Variants in PDZRN3 observed in about 807,000 individuals in gnomAD.
PDZRN3 encodes the protein PDZ domain containing ring finger 3.
Under a neutral mutation model 85.7 loss-of-function variants are expected in PDZRN3, and 38 were observed. The ratio of observed to expected loss-of-function variants is 0.44; its 90% confidence interval spans 0.34 to 0.58. PDZRN3 has a LOEUF of 0.58. Among genes scored for constraint, PDZRN3 ranks in the 20% least tolerant of loss-of-function variants. The pLI is 0.01. For missense variants in PDZRN3, 1,629 were observed against 1,506.4 expected (o/e 1.08, Z -1.35); for synonymous variants, 759 against 638.0 (o/e 1.19, Z -2.86).
At chr3:73,535,996 T>C (rs1704776514) in intron 3 of PDZRN3, among the ~76,000 whole-genome samples, 1 of 152,206 alleles carries the variant, frequency 6.6e-6, no homozygotes, top group Admixed American at 6.5e-5. Flanking sequence ...TATGATATGA[T>C]TTAGACAGGT....
intron 3 of PDZRN3, among the ~76,000 whole-genome samples, chr3:73,449,156 C>T (rs1036599409): frequency 1.3e-5 from 2 of 152,102 alleles, no homozygotes; most frequent in African/African-American, 4.8e-5. Context: ...TGTAATCCAA[C>T]TTGTCAAAAA....
At chr3:73,460,041 T>C (rs1473924739) in intron 3 of PDZRN3, among the ~76,000 whole-genome samples, 1 of 152,218 alleles carries the variant, frequency 6.6e-6, no homozygotes, top group African/African-American at 2.4e-5. Context: ...TTCTCATATA[T>C]ACATTATGGG....
chr3:73,558,994 T>C (rs996537477), intron 3 of PDZRN3, among the ~76,000 whole-genome samples: 2 of 152,168 alleles, frequency 1.3e-5, no homozygotes, highest in Non-Finnish European at 2.9e-5. Context: ...ACCATATGCA[T>C]CTTACTAGGC....
At chr3:73,417,456 A>G (rs1297948054) in intron 3 of PDZRN3, among the ~76,000 whole-genome samples, 1 of 152,218 alleles carries the variant, frequency 6.6e-6, no homozygotes, top group African/African-American at 2.4e-5. Flanking sequence ...GTGCGGGGAA[A>G]TACCATTTCA....
rs545353374 is a variant in PDZRN3, at chr3:73,524,385, C to G, written c.918+77969G>C. 1.2e-4 allele frequency among the ~76,000 whole-genome samples: 19 copies of G among 152,304 alleles called. No homozygotes were observed. In the East Asian group the frequency reaches 2.3e-3, roughly 19 times the overall value. ...TGCATATTACCACCAGCTATCAAGGCAATCACAGGGAGATTTCAAGTTCCC... is the reference window on the plus strand; with the variant it reads ...TGCATATTACCACCAGCTATCAAGGGAATCACAGGGAGATTTCAAGTTCCC... On this transcript the variant is annotated intron_variant, in intron 3 of 9. Transcript: ENST00000263666.
At chr3:73,596,650 A>G (rs188204872) in intron 3 of PDZRN3, among the ~76,000 whole-genome samples, 1 of 152,356 alleles carries the variant, frequency 6.6e-6, no homozygotes, top group East Asian at 1.9e-4. Context: ...AGGAAACTTC[A>G]AACAGAAATT....
Position 73,384,735 on chromosome 3 carries a change from C to G in PDZRN3, c.1831G>C (p.Asp611His). The change falls in exon 10 of 10, where the codon GAC becomes CAC. Residue 611 changes from aspartate to histidine, a missense_variant. By Grantham distance (81) the Asp-to-His change is moderately conservative (BLOSUM62 -1). Transcript: ENST00000263666. The stretch of plus-strand genomic sequence containing the variant: ...GGCAGGTCGCCGCTGCCCAAGGTGT[C>G]CTGGCTGCAGGTGAGCTTCCTCTGC... ...AGQRKLTCSQ[D>H]TLGSGDLPFS... 1 of 1,614,050 alleles carries G rather than the reference C, an allele frequency of 6.2e-7. No individual in the cohort carries two copies. The highest frequency in any genetic ancestry group is 8.5e-7 in the Non-Finnish European group (1 of 1,180,034).
chr3:73,599,930 T>G (rs9858993), intron 3 of PDZRN3, among the ~76,000 whole-genome samples: 21,664 of 152,292 alleles, frequency 0.14, 1,606 homozygotes, highest in Admixed American at 0.17. Flanking sequence ...TATCTTCCTT[T>G]GATTTTCTTT....
chr3:73,479,024 T>A (rs183646928), intron 3 of PDZRN3, among the ~76,000 whole-genome samples: 5 of 152,354 alleles, frequency 3.3e-5, no homozygotes, highest in Admixed American at 2.0e-4. Flanking sequence ...AATTCAGCAC[T>A]GAATGAACAT....
chr3:73,543,870 C>T (rs1050255022), intron 3 of PDZRN3, among the ~76,000 whole-genome samples: 1 of 152,088 alleles, frequency 6.6e-6, no homozygotes, highest in African/African-American at 2.4e-5. Flanking sequence ...CTGTTATTAT[C>T]AAAATAAATA....
intron 6 of PDZRN3, 68 bp downstream of exon 6, chr3:73,390,950 T>G (rs1164048045): frequency 2.2e-6 from 2 of 928,354 alleles, no homozygotes; most frequent in East Asian, 5.1e-5. Context: ...TTAGGGTTGG[T>G]GAACATGAAA....
chr3:73,384,646 C>A lies in PDZRN3; in HGVS notation c.1920G>T (p.Val640=). Residue 640 remains valine (V), a synonymous_variant, in exon 10 of 10, where the codon GTG becomes GTT. Coordinates refer to ENST00000263666, the MANE Select transcript of PDZRN3 (RefSeq NM_015009.3). Reference sequence around the variant, plus strand: ...GCTCGCGGAAGCGCTCGCACTCGTCCACCGGGATCCCCAGGTAGTCGGCGT... The same window carrying A: ...GCTCGCGGAAGCGCTCGCACTCGTCAACCGGGATCCCCAGGTAGTCGGCGT... The part of the protein sequence containing the change: ...CTDADYLGIP[V]DECERFRELL... 1 of 1,613,920 alleles carries A rather than the reference C, an allele frequency of 6.2e-7. No homozygotes were observed. The highest frequency in any genetic ancestry group is 8.5e-7 in the Non-Finnish European group (1 of 1,180,040).
chr3:73,433,960 G>T, intron 3 of PDZRN3: 1 of 1,327,700 alleles, frequency 7.5e-7, no homozygotes, highest in Non-Finnish European at 9.6e-7. Flanking sequence ...AGACATACAC[G>T]CACACCACTC....
At chr3:73,470,541 G>A (rs1300576576) in intron 3 of PDZRN3, among the ~76,000 whole-genome samples, 1 of 152,184 alleles carries the variant, frequency 6.6e-6, no homozygotes, top group African/African-American at 2.4e-5. Context: ...TTTGAATCCA[G>A]GGCTGTAACT....
intron 3 of PDZRN3, among the ~76,000 whole-genome samples, chr3:73,551,289 A>T (rs558311007): frequency 3.5e-4 from 54 of 152,334 alleles, no homozygotes; most frequent in Non-Finnish European, 5.7e-4. Context: ...TAGAAAGAAG[A>T]AAAGGAGGGA....
At chr3:73,503,202 T>G (rs1193866333) in intron 3 of PDZRN3, among the ~76,000 whole-genome samples, 1 of 152,270 alleles carries the variant, frequency 6.6e-6, no homozygotes, top group African/African-American at 2.4e-5. Context: ...TAGATACTAG[T>G]GTTTCCTTTA....
chr3:73,602,672 T>C (rs1383422185), intron 2 of PDZRN3, among the ~76,000 whole-genome samples: 1 of 152,210 alleles, frequency 6.6e-6, no homozygotes, highest in Non-Finnish European at 1.5e-5. Context: ...AAATGATGCA[T>C]CCCTGCCATC....
At chr3:73,393,956 TAC>T (rs1042951297) in intron 5 of PDZRN3, among the ~76,000 whole-genome samples, 1 of 152,220 alleles carries the variant, frequency 6.6e-6, no homozygotes, top group African/African-American at 2.4e-5. Flanking sequence ...ACTGTTAAGC[TAC>T]AGAGTAGTTG....
chr3:73,464,732 TA>T lies in PDZRN3; in HGVS notation c.919-60338del, dbSNP rs1704120841. ...AAAATCTGGAACCTAGATTCTGCTC[TA>T]AATTTTTTATTGACAGATAAGATTG... On this transcript the variant is annotated intron_variant, in intron 3 of 9. Coordinates refer to ENST00000263666, the MANE Select transcript of PDZRN3 (RefSeq NM_015009.3). 3.9e-5 allele frequency among the ~76,000 whole-genome samples: 6 copies of T among 152,218 alleles called. No homozygotes were observed. In the South Asian group the frequency reaches 1.2e-3, roughly 31 times the overall value.
Sources: allele counts gnomAD v4.1 joint callset (sites outside exome capture counted in the v4.1 genomes callset), GRCh38; gene constraint gnomAD v4.1.1; transcripts MANE v1.5; gene names NCBI Gene and HGNC (gene_info 2026-07-23, HGNC 2026-07-21).